Variants in COL22A1 observed in about 807,000 individuals in gnomAD.
The protein encoded by COL22A1 is collagen alpha-1(XXII) chain.
In COL22A1, 221 loss-of-function variants were observed where a neutral mutation model predicts 248.9. That is an observed-to-expected ratio of 0.89 (90% CI 0.80 to 0.99). The LOEUF (loss-of-function observed/expected upper bound fraction) is 0.99. COL22A1 is among the 50% of genes least tolerant of loss of function. The probability of loss-of-function intolerance (pLI) is 0.00; values close to 1 mark genes in which losing one functional copy is unlikely to be tolerated. For synonymous variants in COL22A1, 891 were observed against 793.4 expected, an observed-to-expected ratio of 1.12 and a Z score of -2.07; for missense variants, 2,240 against 2,179.0, an observed-to-expected ratio of 1.03 and a Z score of -0.56.
chr8:138,596,639 A>G (rs528598962), intron 62 of COL22A1, among the ~76,000 whole-genome samples: 1 of 152,212 alleles, frequency 6.6e-6, no homozygotes, highest in Non-Finnish European at 1.5e-5. Context: ...TAAATGATTG[A>G]TCATAGCAGA....
At chr8:138,702,488 C>T (rs4243905) in intron 31 of COL22A1, among the ~76,000 whole-genome samples, 114,884 of 151,910 alleles carry the variant, frequency 0.76, 43,624 homozygotes, top group East Asian at 0.91. Context: ...CTGCAAGGGC[C>T]AGTAACTGGC....
At chr8:138,803,228 G>A (rs1453455447) in intron 10 of COL22A1, among the ~76,000 whole-genome samples, 1 of 152,248 alleles carries the variant, frequency 6.6e-6, no homozygotes, top group Non-Finnish European at 1.5e-5. Flanking sequence ...CCAGGGCCTC[G>A]GAAGGGGAAG....
chr8:138,612,603 T>G (rs1481536760), intron 56 of COL22A1, among the ~76,000 whole-genome samples: 1 of 152,024 alleles, frequency 6.6e-6, no homozygotes, highest in African/African-American at 2.4e-5. Flanking sequence ...GTGGGCCCCT[T>G]ACCCAACAAG....
intron 3 of COL22A1, among the ~76,000 whole-genome samples, chr8:138,864,254 C>A (rs761540695): frequency 2.7e-4 from 41 of 152,084 alleles, no homozygotes; most frequent in Admixed American, 5.9e-4. Context: ...TGAGGGTGGA[C>A]TGGACCATTC....
intron 3 of COL22A1, among the ~76,000 whole-genome samples, chr8:138,856,318 CCT>C (rs1246866378): frequency 1.6e-4 from 24 of 152,142 alleles, no homozygotes; most frequent in Non-Finnish European, 1.2e-4. Context: ...TACATGTGCC[CCT>C]GTGTGCATTT....
chr8:138,630,627 C>A, intron 50 of COL22A1, 68 bp downstream of exon 50: 4 of 1,423,242 alleles, frequency 2.8e-6, no homozygotes, highest in Non-Finnish European at 4.0e-6. Flanking sequence ...GCAGAATTGG[C>A]AAACACCTGG....
chr8:138,844,285 A>T, intron 3 of COL22A1, 127 bp from the exon 4 acceptor site: 1 of 810,548 alleles, frequency 1.2e-6, no homozygotes, highest in South Asian at 1.4e-5. Flanking sequence ...CCTGGAGAAG[A>T]TGCAGAGGCA....
chr8:138,604,056 A>T (rs945880841), intron 59 of COL22A1, among the ~76,000 whole-genome samples: 1 of 152,188 alleles, frequency 6.6e-6, no homozygotes, highest in African/African-American at 2.4e-5. Flanking sequence ...TGTCAAGGAA[A>T]GTTGGCAAAG....
chr8:138,621,989 G>T (rs1438317175), intron 52 of COL22A1, among the ~76,000 whole-genome samples: 1 of 152,196 alleles, frequency 6.6e-6, no homozygotes, highest in African/African-American at 2.4e-5. Flanking sequence ...AATGAATTTT[G>T]GTTTCAGCAT....
intron 34 of COL22A1, 49 bp from the exon 35 acceptor site, chr8:138,693,748 CTGTTTCCCCTCACA>C (rs1394577785): frequency 1.3e-6 from 2 of 1,538,238 alleles, no homozygotes; most frequent in Non-Finnish European, 1.8e-6. Context: ...CTCAGTGATG[CTGTTTCCCCTCACA>C]GCAGGGAGGT....
chr8:138,646,555 TCTTC>T (rs1822220138), intron 47 of COL22A1, 70 bp downstream of exon 47: 1 of 1,218,668 alleles, frequency 8.2e-7, no homozygotes, highest in African/African-American at 1.5e-5. Context: ...TGGCCATCAC[TCTTC>T]CTTAAATTGA....
intron 1 of COL22A1, among the ~76,000 whole-genome samples, chr8:138,900,787 G>A (rs1814489224): frequency 6.6e-6 from 1 of 152,166 alleles, no homozygotes; most frequent in Non-Finnish European, 1.5e-5. Context: ...TTAATCACCG[G>A]GTGTAGCAGT....
At chr8:138,751,430 A>T in intron 22 of COL22A1, 28 bp downstream of exon 22, 1 of 1,569,498 alleles carries the variant, frequency 6.4e-7, no homozygotes. Context: ...TGAGCTGAGG[A>T]ATCACAAAGA....
chr8:138,787,325 G>A (rs976546595), intron 12 of COL22A1, among the ~76,000 whole-genome samples: 1 of 151,946 alleles, frequency 6.6e-6, no homozygotes, highest in African/African-American at 2.4e-5. Context: ...GAAAGAGAAG[G>A]GAAAAAAAGC....
At chr8:138,622,150 G>A (rs1382191787) in intron 52 of COL22A1, among the ~76,000 whole-genome samples, 1 of 152,200 alleles carries the variant, frequency 6.6e-6, no homozygotes, top group Non-Finnish European at 1.5e-5. Context: ...TGGTTCTAAA[G>A]GCTCTGCAGT....
At chr8:138,689,142 A>G (rs1012467224) in intron 36 of COL22A1, among the ~76,000 whole-genome samples, 172 bp from the exon 37 acceptor site, 5 of 138,012 alleles carry the variant, frequency 3.6e-5, no homozygotes, top group African/African-American at 1.1e-4. Flanking sequence ...CTCCCTGCCC[A>G]TGACTGCTGC....
intron 4 of COL22A1, among the ~76,000 whole-genome samples, chr8:138,838,350 G>A (rs1207023162): frequency 1.3e-5 from 2 of 152,124 alleles, no homozygotes; most frequent in Admixed American, 1.3e-4. Flanking sequence ...ATGAGGGGGA[G>A]TGAGGAGAGC....
At chr8:138,741,497 A>G (rs1831555453) in intron 22 of COL22A1, among the ~76,000 whole-genome samples, 1 of 152,244 alleles carries the variant, frequency 6.6e-6, no homozygotes, top group African/African-American at 2.4e-5. Flanking sequence ...GAAGATTATA[A>G]TCATGATAAT....
chr8:138,802,527 G>A (rs1817084653), intron 11 of COL22A1, among the ~76,000 whole-genome samples: 1 of 152,058 alleles, frequency 6.6e-6, no homozygotes, highest in South Asian at 2.1e-4. Context: ...TGGGGAGAAG[G>A]AAGCATTATT....
Sources: allele counts gnomAD v4.1 joint callset (sites outside exome capture counted in the v4.1 genomes callset), GRCh38; gene constraint gnomAD v4.1.1; transcripts MANE v1.5; gene names NCBI Gene and HGNC (gene_info 2026-07-23, HGNC 2026-07-21).